Variants in ATF2 observed in about 807,000 individuals in gnomAD.
The protein encoded by ATF2 is cyclic AMP-dependent transcription factor ATF-2.
ATF2 carries 24 observed loss-of-function variants against 60.6 expected under a neutral mutation model. That is an observed-to-expected ratio of 0.40 (90% CI 0.29 to 0.56). The LOEUF (loss-of-function observed/expected upper bound fraction) is 0.56, where lower values mean the gene tolerates loss of function less well. Among genes scored for constraint, ATF2 ranks in the 20% least tolerant of loss-of-function variants. The pLI, the probability that ATF2 is intolerant of heterozygous loss-of-function variation, is 0.54. For missense variants in ATF2, 433 were observed against 607.7 expected (o/e 0.71, Z 3.02); for synonymous variants, 206 against 215.4 (o/e 0.96, Z 0.38).
chr2:175,142,720 AGTGTGTGTGTGT>A (rs755635658), intron 2 of ATF2, among the ~76,000 whole-genome samples: 8 of 71,096 alleles, frequency 1.1e-4, no homozygotes, highest in Non-Finnish European at 1.9e-4. Flanking sequence ...AGAGAGAGAG[AGTGTGTGTGTGT>A]GTGTGTGTGT....
At chr2:175,140,013 A>G (rs1198007152) in intron 2 of ATF2, among the ~76,000 whole-genome samples, 1 of 152,256 alleles carries the variant, frequency 6.6e-6, no homozygotes, top group Non-Finnish European at 1.5e-5. Flanking sequence ...GCAGAATAAT[A>G]TAACTCCTTC....
At chr2:175,147,687 A>T (rs939772228) in intron 2 of ATF2, among the ~76,000 whole-genome samples, 8 of 152,196 alleles carry the variant, frequency 5.3e-5, no homozygotes, top group African/African-American at 1.9e-4. Flanking sequence ...CATGGTTTTT[A>T]TGAAAATACA....
intron 1 of ATF2, among the ~76,000 whole-genome samples, chr2:175,163,984 G>A (rs1471954345): frequency 1.5e-5 from 2 of 137,164 alleles, no homozygotes; most frequent in African/African-American, 5.3e-5. Flanking sequence ...AGAATAAATT[G>A]AAAAGATATA....
chr2:175,085,553 TACACACACACACACACACACACAC>T (rs56804408), intron 12 of ATF2, among the ~76,000 whole-genome samples: 2 of 141,328 alleles, frequency 1.4e-5, no homozygotes, highest in Admixed American at 7.0e-5. Context: ...ATACATAACA[TACACACACACACACACACACACAC>T]ACACACACAC....
chr2:175,119,213 A>T (rs368671387), intron 5 of ATF2, among the ~76,000 whole-genome samples: 95 of 151,760 alleles, frequency 6.3e-4, no homozygotes, highest in Middle Eastern at 3.4e-3. Context: ...TAGTGTTACT[A>T]TTTTCAAGGG....
In ATF2 at chr2:175,157,930, T is replaced by G. The variant is rs549896418; in HGVS notation, c.-142-6772A>C. 2.1e-4 allele frequency among the ~76,000 whole-genome samples: 32 copies of G among 151,606 alleles called. 1 individual carries two copies. In the South Asian group the frequency reaches 6.1e-3, roughly 29 times the overall value. ...CTGCTTGAACCCGGGAGGCAGAGGT[T>G]GCAGTGAGCCGAGATCGCGCTACTG... is the stretch of plus-strand genomic sequence containing the variant. On this transcript the variant is annotated intron_variant, in intron 1 of 13. Transcript: ENST00000264110.
intron 13 of ATF2, 66 bp downstream of exon 13, chr2:175,080,594 C>T (rs570299239): frequency 2.5e-6 from 3 of 1,192,546 alleles, no homozygotes; most frequent in South Asian, 1.5e-5. Flanking sequence ...AAAGTAGCAG[C>T]TCAGTTCACT....
At chr2:175,096,773 A>T (rs893424205) in intron 11 of ATF2, among the ~76,000 whole-genome samples, 1 of 152,218 alleles carries the variant, frequency 6.6e-6, no homozygotes, top group African/African-American at 2.4e-5. Flanking sequence ...TGCTACTTGA[A>T]AAAGAACGTA....
At position 175,078,447 on chromosome 2, in the gene ATF2, T is replaced by C. The variant is rs145385205; in HGVS notation, c.1291+2213A>G. 6.2e-3 allele frequency among the ~76,000 whole-genome samples: 942 copies of C among 152,338 alleles called. 8 individuals are homozygous for C. Among genetic ancestry groups the C allele is most frequent in the African/African-American group, 0.022 (905 of 41,578 alleles). ...TGCTTTATTTTTCATGGAACCCAAA[T>C]ATTTAAAATGTACTCTTAGTATTTT... On this transcript the variant is annotated intron_variant, in intron 13 of 13. Transcript: ENST00000264110.
chr2:175,152,587 G>C (rs1050518669), intron 1 of ATF2, among the ~76,000 whole-genome samples: 4 of 152,184 alleles, frequency 2.6e-5, no homozygotes, highest in African/African-American at 9.7e-5. Flanking sequence ...TATAGGTATT[G>C]GGAGATTTCC....
intron 10 of ATF2, among the ~76,000 whole-genome samples, chr2:175,099,197 C>T (rs1028312676): frequency 1.3e-4 from 20 of 150,186 alleles, no homozygotes; most frequent in Non-Finnish European, 1.5e-4. Flanking sequence ...TTCACCTTCA[C>T]GGTTCAAGCA....
At chr2:175,123,799 T>C (rs1697132082) in intron 4 of ATF2, among the ~76,000 whole-genome samples, 2 of 151,976 alleles carry the variant, frequency 1.3e-5, no homozygotes, top group African/African-American at 4.8e-5. Context: ...CAGTATTAAT[T>C]ATATACAGGG....
At chr2:175,105,103 A>T (rs1695567270) in intron 10 of ATF2, among the ~76,000 whole-genome samples, 1 of 152,206 alleles carries the variant, frequency 6.6e-6, no homozygotes, top group South Asian at 2.1e-4. Flanking sequence ...ACATAGCTTT[A>T]CATGTATATA....
chr2:175,144,275 T>C (rs566749920), intron 2 of ATF2, among the ~76,000 whole-genome samples: 3 of 152,310 alleles, frequency 2.0e-5, no homozygotes, highest in East Asian at 1.9e-4. Context: ...AAATGACTTA[T>C]TCGAGGTCAA....
At chr2:175,140,460 C>G (rs543003136) in intron 2 of ATF2, among the ~76,000 whole-genome samples, 1 of 152,038 alleles carries the variant, frequency 6.6e-6, no homozygotes, top group African/African-American at 2.4e-5. Context: ...GAAAGCAGAT[C>G]ACTGGTTGCT....
intron 1 of ATF2, among the ~76,000 whole-genome samples, chr2:175,155,885 T>G (rs1176366041): frequency 2.0e-5 from 3 of 152,180 alleles, no homozygotes; most frequent in Non-Finnish European, 4.4e-5. Flanking sequence ...TTTCAACAAT[T>G]TCAATCTATG....
At position 175,098,649 on chromosome 2, in the gene ATF2, A is replaced by G. The variant is rs371539828; in HGVS notation, c.829-1056T>C. On this transcript the variant is annotated intron_variant, in intron 10 of 13. Transcript: ENST00000264110. ...ACTGTCTGGGGTGTTAAGTGTTAAGAACACATATTCTTGGCAATCTTTTCC... is the reference window on the plus strand; with the variant it reads ...ACTGTCTGGGGTGTTAAGTGTTAAGGACACATATTCTTGGCAATCTTTTCC... Among the ~76,000 whole-genome samples, 243 of 152,298 alleles carry G rather than the reference A, an allele frequency of 1.6e-3. 1 individual carries two copies. Among genetic ancestry groups the G allele is most frequent in the Non-Finnish European group, 3.0e-3 (201 of 68,030 alleles).
rs557306163 is a variant in ATF2, at chr2:175,149,948, T to C, written c.-44+1112A>G. Among the ~76,000 whole-genome samples the C allele has an allele frequency of 2.6e-5, 4 of 152,308 alleles. No homozygotes were observed. In the South Asian group the frequency reaches 6.2e-4, roughly 24 times the overall value. On this transcript the variant is annotated intron_variant, in intron 2 of 13. Coordinates refer to ENST00000264110, the MANE Select transcript of ATF2 (RefSeq NM_001880.4). ...CCCATCATTCAGTCAATAAACATTA[T>C]TGAGCACATGCAATAGGGTAGGAAT...
At chr2:175,119,769 CA>C (rs1696826438) in intron 5 of ATF2, among the ~76,000 whole-genome samples, 1 of 151,620 alleles carries the variant, frequency 6.6e-6, no homozygotes, top group African/African-American at 2.4e-5. Flanking sequence ...CTTCTGTTCA[CA>C]CCCAAAGGGT....
Sources: allele counts gnomAD v4.1 joint callset (sites outside exome capture counted in the v4.1 genomes callset), GRCh38; gene constraint gnomAD v4.1.1; transcripts MANE v1.5; gene names NCBI Gene and HGNC (gene_info 2026-07-23, HGNC 2026-07-21).